The following ROBO1 variants were observed in gnomAD, a reference collection of about 807,000 sequenced individuals.
ROBO1 encodes the protein roundabout guidance receptor 1, also known as roundabout homolog 1.
A neutral mutation model predicts 195.9 loss-of-function variants in ROBO1; 149 were observed. That is an observed-to-expected ratio of 0.76 (90% confidence interval 0.67 to 0.87). The LOEUF (loss-of-function observed/expected upper bound fraction) is 0.87. Ranked by LOEUF, ROBO1 falls within the 40% of genes least tolerant of loss-of-function variation. The pLI is 0.00. For synonymous variants in ROBO1, 816 were observed against 733.2 expected (o/e 1.11, Z -1.82); for missense variants, 1,933 against 2,068.3 (o/e 0.93, Z 1.27).
At chr3:79,417,595 A>G (rs2038058826) in intron 2 of ROBO1, among the ~76,000 whole-genome samples, 1 of 152,136 alleles carries the variant, frequency 6.6e-6, no homozygotes, top group Non-Finnish European at 1.5e-5. Context: ...ACAAGTAACT[A>G]CTTACTCTCT....
chr3:79,573,601 A>C (rs1310662296), intron 2 of ROBO1, among the ~76,000 whole-genome samples: 1 of 152,182 alleles, frequency 6.6e-6, no homozygotes, highest in East Asian at 1.9e-4. Context: ...CAATTCCACA[A>C]AGTAGTTCTT....
chr3:79,159,706 C>T (rs2080921698), intron 2 of ROBO1, among the ~76,000 whole-genome samples: 1 of 151,998 alleles, frequency 6.6e-6, no homozygotes, highest in Non-Finnish European at 1.5e-5. Flanking sequence ...ATTACTCCTA[C>T]TCTGATAATT....
At chr3:79,545,442 C>T (rs141522588) in intron 2 of ROBO1, among the ~76,000 whole-genome samples, 1 of 152,276 alleles carries the variant, frequency 6.6e-6, no homozygotes, top group African/African-American at 2.4e-5. Flanking sequence ...ACCATTCTTG[C>T]TAACCTTGCC....
At chr3:79,470,006 TA>T (rs1157976195) in intron 2 of ROBO1, among the ~76,000 whole-genome samples, 2 of 152,170 alleles carry the variant, frequency 1.3e-5, no homozygotes, top group African/African-American at 4.8e-5. Flanking sequence ...CTGTTAAATA[TA>T]TTTTTTTAAT....
chr3:79,021,358 A>G (rs1390708533), intron 3 of ROBO1, among the ~76,000 whole-genome samples: 1 of 152,204 alleles, frequency 6.6e-6, no homozygotes, highest in African/African-American at 2.4e-5. Flanking sequence ...AGAGAAAGAG[A>G]GCAAGATAGA....
chr3:78,768,649 T>C (rs1464513574), intron 4 of ROBO1, among the ~76,000 whole-genome samples: 1 of 68,328 alleles, frequency 1.5e-5, no homozygotes, highest in Non-Finnish European at 3.2e-5. Context: ...CAGTATGTTC[T>C]TTTTTTTTTT....
intron 3 of ROBO1, among the ~76,000 whole-genome samples, chr3:79,058,586 A>C (rs955375853): frequency 6.6e-6 from 1 of 151,992 alleles, no homozygotes. Context: ...CTCCAACCTG[A>C]CTGTTCCCAT....
intron 4 of ROBO1, among the ~76,000 whole-genome samples, chr3:78,772,429 A>T (rs2083398458): frequency 6.6e-6 from 1 of 152,128 alleles, no homozygotes; most frequent in African/African-American, 2.4e-5. Context: ...TTGTAAAAGG[A>T]CGTAACTAAA....
At chr3:79,206,502 AAAAG>A (rs1048333853) in intron 2 of ROBO1, among the ~76,000 whole-genome samples, 59 of 152,296 alleles carry the variant, frequency 3.9e-4, no homozygotes, top group African/African-American at 1.4e-3. Context: ...TGAAGAAAGA[AAAAG>A]AAATTAAGGC....
chr3:79,427,703 T>A (rs182484733), intron 2 of ROBO1, among the ~76,000 whole-genome samples: 1 of 152,288 alleles, frequency 6.6e-6, no homozygotes, highest in Admixed American at 6.5e-5. Flanking sequence ...GGACAGTCTC[T>A]TCAATAAGTG....
At chr3:79,691,927 G>A (rs547154159) in intron 1 of ROBO1, among the ~76,000 whole-genome samples, 1 of 151,912 alleles carries the variant, frequency 6.6e-6, no homozygotes, top group South Asian at 2.1e-4. Flanking sequence ...GCTTAGTTTT[G>A]TATTAGACAG....
At chr3:79,529,932 T>G (rs1305349569) in intron 2 of ROBO1, among the ~76,000 whole-genome samples, 1 of 152,230 alleles carries the variant, frequency 6.6e-6, no homozygotes, top group South Asian at 2.1e-4. Flanking sequence ...GGCACCTGTT[T>G]CTTTGTATTC....
At chr3:79,595,090 T>C (rs1409422403) in intron 1 of ROBO1, among the ~76,000 whole-genome samples, 1 of 151,978 alleles carries the variant, frequency 6.6e-6, no homozygotes, top group East Asian at 1.9e-4. Flanking sequence ...TAATATGTTC[T>C]ATACATATAT....
intron 1 of ROBO1, among the ~76,000 whole-genome samples, chr3:79,751,400 A>T (rs1226726501): frequency 6.6e-6 from 1 of 152,200 alleles, no homozygotes; most frequent in East Asian, 1.9e-4. Context: ...ATATAAATGT[A>T]GGATAGTCAT....
At chr3:79,029,945 A>G (rs2078264405) in intron 3 of ROBO1, among the ~76,000 whole-genome samples, 1 of 152,224 alleles carries the variant, frequency 6.6e-6, no homozygotes, top group Non-Finnish European at 1.5e-5. Flanking sequence ...TGACTTGCTT[A>G]CCAATGGTAT....
intron 3 of ROBO1, among the ~76,000 whole-genome samples, chr3:79,086,112 G>A (rs554453601): frequency 1.4e-5 from 2 of 142,754 alleles, no homozygotes; most frequent in East Asian, 4.1e-4. Flanking sequence ...AACAAATGGA[G>A]TTTTTTTTTT....
intron 3 of ROBO1, among the ~76,000 whole-genome samples, chr3:78,945,964 A>G (rs1458842233): frequency 2.0e-5 from 3 of 151,370 alleles, no homozygotes; most frequent in Non-Finnish European, 2.9e-5. Flanking sequence ...AGAGAAGTTT[A>G]GAGAAAAAAA....
intron 3 of ROBO1, among the ~76,000 whole-genome samples, chr3:78,999,231 C>T (rs878986777): frequency 1.3e-5 from 2 of 151,950 alleles, no homozygotes; most frequent in African/African-American, 4.8e-5. Context: ...TAAAACAAAT[C>T]GACCTACAAA....
At chr3:79,653,200 A>G (rs1015090245) in intron 1 of ROBO1, among the ~76,000 whole-genome samples, 15 of 151,870 alleles carry the variant, frequency 9.9e-5, no homozygotes, top group Non-Finnish European at 2.1e-4. Context: ...TTACACATCG[A>G]TGTTTAATTA....
Sources: gnomAD v4.1 joint callset for allele counts (sites outside exome capture counted in the v4.1 genomes callset) on GRCh38, gnomAD v4.1.1 for gene constraint, MANE v1.5 for transcripts, NCBI Gene and HGNC (gene_info 2026-07-23, HGNC 2026-07-21) for gene names.